TNXB: variants seen among roughly 807,000 people sequenced by gnomAD.
TNXB encodes tenascin XB.
TNXB carries 183 observed loss-of-function variants against 340.5 expected under a neutral mutation model. That is an observed-to-expected ratio of 0.54 (90% CI 0.48 to 0.61). The LOEUF (loss-of-function observed/expected upper bound fraction) is 0.61. Ranked by LOEUF, TNXB falls within the 20% of genes least tolerant of loss-of-function variation. TNXB has a pLI of 0.00. For missense variants in TNXB, 4,613 were observed against 5,446.4 expected (o/e 0.85, Z 4.82); for synonymous variants, 2,121 against 2,314.5 (o/e 0.92, Z 2.40).
chr6:32,070,305 C>A lies in TNXB; in HGVS notation c.5100G>T (p.Gln1700His). 6.2e-7 allele frequency: 1 copy of A among 1,613,020 alleles called. No homozygotes were observed. Among genetic ancestry groups the A allele is most frequent in the Non-Finnish European group, 8.5e-7 (1 of 1,179,538 alleles). Residue 1700 changes from glutamine to histidine, a missense_variant, in exon 14 of 44, where the codon CAG (glutamine) becomes CAT (histidine). Around this residue, in one of 7 missense-constraint regions of TNXB, gnomAD observed 4,327 missense variants for 4,859.4 expected, o/e 0.89. Coordinates refer to ENST00000644971, the MANE Select transcript of TNXB (RefSeq NM_001365276.2). This position sits in a 1 kb window ranked among gnomAD's most constrained non-coding sequence, Gnocchi z 6.0. ...TGAACTGGACCACAAAAGAGTCGAA[C>A]TGGCCCTCAGGAACCGTCCAGGAGA... ...LRLSWTVPEG[Q>H]FDSFVVQFKD...
rs770570743 is a variant in TNXB at position 32,084,692 on chromosome 6, G to C, written c.3166C>G (p.Pro1056Ala). 1.3e-6 allele frequency: 2 copies of C among 1,575,838 alleles called. No individual in the cohort carries two copies. The highest frequency in any genetic ancestry group is 1.7e-6 in the Non-Finnish European group (2 of 1,156,886). Residue 1056 changes from proline to alanine, a missense_variant, in exon 8 of 44, where the codon CCT becomes GCT. By Grantham distance (27) the Pro-to-Ala change is conservative (BLOSUM62 -1). Around this residue, in one of 7 missense-constraint regions of TNXB, gnomAD observed 4,327 missense variants for 4,859.4 expected, o/e 0.89. Transcript: ENST00000644971. The surrounding 1 kb of genome is among the most constrained non-coding windows in gnomAD (Gnocchi z 5.5). Reference protein sequence around the residue: ...QGIMDKDEEKPGKSSGPPRLG... With the variant: ...QGIMDKDEEKAGKSSGPPRLG... ...CGTGGTGGGCCTGAGGACTTCCCAG[G>C]CTTCTCCTCATCCTTGTCTGGAGTT...
intron 21 of TNXB, among the ~76,000 whole-genome samples, chr6:32,059,990 C>G (rs1314603585): frequency 3.3e-5 from 5 of 151,962 alleles, no homozygotes; most frequent in Non-Finnish European, 7.3e-5. Flanking sequence ...TGATCTCCAC[C>G]CCTCCAATTT....
chr6:32,061,710 T>G lies in TNXB; in HGVS notation c.7179A>C (p.Glu2393Asp). Residue 2393 changes from glutamate (E) to aspartate (D), a missense_variant, in exon 21 of 44, where the codon GAA (glutamate) becomes GAC (aspartate). Glu to Asp is a conservative substitution (Grantham distance 45). Coordinates refer to ENST00000644971, the MANE Select transcript of TNXB (RefSeq NM_001365276.2). This position sits in a 1 kb window ranked among gnomAD's most constrained non-coding sequence, Gnocchi z 4.4. ...VSAIGVTAAE[E>D]ETPSPTEPSM... is the part of the protein sequence containing the mutation. Reference sequence around the variant, plus strand: ...TGGGTTCTGTGGGGCTGGGGGTCTCTTCCTCTGCAGCTGAGAAAAAGGGAC... The same window carrying G: ...TGGGTTCTGTGGGGCTGGGGGTCTCGTCCTCTGCAGCTGAGAAAAAGGGAC... 6.2e-7 allele frequency: 1 copy of G among 1,610,648 alleles called. No individual in the cohort carries two copies. Among genetic ancestry groups the G allele is most frequent in the Non-Finnish European group, 8.5e-7 (1 of 1,178,244 alleles).
Position 32,074,018 on chromosome 6 carries a change from G to T in TNXB, c.4376-66C>A. ...CCTTTTCTTATAGTAATGATGTCTA[G>T]TTATTTATTTTTTATTTTTTATTTT... On this transcript the variant is annotated intron_variant, in intron 11 of 43. Coordinates refer to ENST00000644971, the MANE Select transcript of TNXB (RefSeq NM_001365276.2). This position sits in a 1 kb window ranked among gnomAD's most constrained non-coding sequence, Gnocchi z 5.5. 7.4e-7 allele frequency: 1 copy of T among 1,342,334 alleles called. No homozygotes were observed. Among genetic ancestry groups the T allele is most frequent in the Non-Finnish European group, 9.9e-7 (1 of 1,006,192 alleles). 83.2% of individuals were successfully genotyped at this position (1,342,334 alleles called of 1,614,324 possible).
chr6:32,053,101 G>T, intron 25 of TNXB, 108 bp from the exon 26 acceptor site: 3 of 1,246,392 alleles, frequency 2.4e-6, no homozygotes, highest in Non-Finnish European at 2.2e-6. Flanking sequence ...CCTGGGGTCA[G>T]CTTGGAGAGG....
In TNXB at chr6:32,056,095, C is replaced by A; in HGVS notation, c.8223G>T (p.Glu2741Asp). ...PEPPEEPLLGELTVTGSSPDS... is the reference protein window; with the variant it reads ...PEPPEEPLLGDLTVTGSSPDS... Reference sequence around the variant, plus strand: ...CAGGGGAGGATCCTGTCACTGTCAGCTCCCCCAGGAGCGGCTCCTCAGGGG... The same window carrying A: ...CAGGGGAGGATCCTGTCACTGTCAGATCCCCCAGGAGCGGCTCCTCAGGGG... Residue 2741 changes from glutamate (E) to aspartate (D), a missense_variant, in exon 24 of 44, where the codon GAG (glutamate) becomes GAT (aspartate). By Grantham distance (45) the Glu-to-Asp change is conservative. Coordinates refer to ENST00000644971, the MANE Select transcript of TNXB (RefSeq NM_001365276.2). The A allele has an allele frequency of 6.2e-7, 1 of 1,612,724 alleles. No individual in the cohort carries two copies. Among genetic ancestry groups the A allele is most frequent in the Non-Finnish European group, 8.5e-7 (1 of 1,179,830 alleles).
Position 32,089,054 on chromosome 6 carries a change from C to G in TNXB, c.2516-6G>C. ...GTCCTGGGGCCCATCGATCACTAGC[C>G]AGGTTAAAGAGGAGGACTCAGGTGG... On this transcript the variant is annotated splice_region_variant and splice_polypyrimidine_tract_variant and intron_variant, in intron 5 of 43. Transcript: ENST00000644971. This position sits in a 1 kb window ranked among gnomAD's most constrained non-coding sequence, Gnocchi z 6.2. 2 of 1,607,310 alleles carry G rather than the reference C, an allele frequency of 1.2e-6. No homozygotes were observed. The highest frequency in any genetic ancestry group is 2.2e-5 in the East Asian group (1 of 44,796).
chr6:32,084,263 C>T lies in TNXB; in HGVS notation c.3445+150G>A, dbSNP rs1488259752. 2.7e-6 allele frequency: 2 copies of T among 750,862 alleles called. No individual in the cohort carries two copies. Among genetic ancestry groups the T allele is most frequent in the Non-Finnish European group, 4.0e-6 (2 of 496,198 alleles). 46.5% of individuals were successfully genotyped at this position (750,862 alleles called of 1,614,324 possible). A position where few individuals can be genotyped will look rare whatever the true frequency, so the allele number is the denominator to read the frequency against. On this transcript the variant is annotated intron_variant, in intron 8 of 43. Coordinates refer to ENST00000644971, the MANE Select transcript of TNXB (RefSeq NM_001365276.2). The surrounding 1 kb of genome is among the most constrained non-coding windows in gnomAD (Gnocchi z 5.5). ...TGCACTGAGCTTCTCAAACTCTTTG[C>T]CTGCCCCACCACTACTTTCCCTTCA...
At chr6:32,071,370 G>T (rs549701317) in intron 13 of TNXB, among the ~76,000 whole-genome samples, 1 of 152,104 alleles carries the variant, frequency 6.6e-6, no homozygotes, top group East Asian at 1.9e-4. Context: ...TGATGGATTC[G>T]CAAGGCAGGA....
In TNXB at chr6:32,047,866, C is replaced by T. The variant is rs769706169; in HGVS notation, c.10192G>A (p.Val3398Met). The part of the protein sequence containing the change: ...QYKDKDGRLQ[V>M]VPVAANQREV... Reference sequence around the variant, plus strand: ...CGCTGGTTGGCTGCCACCGGCACCACCTGGAGCCGACCATCCTTATCCTTG... The same window carrying T: ...CGCTGGTTGGCTGCCACCGGCACCATCTGGAGCCGACCATCCTTATCCTTG... The change falls in exon 30 of 44, where the codon GTG becomes ATG. Residue 3398 changes from valine to methionine, a missense_variant. Around this residue, in one of 7 missense-constraint regions of TNXB, gnomAD observed 4,327 missense variants for 4,859.4 expected, o/e 0.89. Transcript: ENST00000644971. The surrounding 1 kb of genome is among the most constrained non-coding windows in gnomAD (Gnocchi z 6.2). 3 of 1,612,376 alleles carry T rather than the reference C, an allele frequency of 1.9e-6. No homozygotes were observed. The highest frequency in any genetic ancestry group is 2.2e-5 in the South Asian group (2 of 91,010).
rs1415428808 is a variant in TNXB at position 32,087,688 on chromosome 6, TG to T, written c.2779+1096del. 1 of 454,934 alleles carries T rather than the reference TG, an allele frequency of 2.2e-6. No individual in the cohort carries two copies. The highest frequency in any genetic ancestry group is 2.0e-5 in the African/African-American group (1 of 49,448). 28.2% of individuals were successfully genotyped at this position (454,934 alleles called of 1,614,324 possible). ...CAACAGACGCCGCTGCAAGTATTCA[TG>T]GATGTGGCGCGCCACCGACGTGTAA... On this transcript the variant is annotated intron_variant, in intron 6 of 43. Coordinates refer to ENST00000644971, the MANE Select transcript of TNXB (RefSeq NM_001365276.2). This position sits in a 1 kb window ranked among gnomAD's most constrained non-coding sequence, Gnocchi z 9.0.
At chr6:32,106,133 G>A (rs1277680627) in intron 1 of TNXB, among the ~76,000 whole-genome samples, 1 of 148,858 alleles carries the variant, frequency 6.7e-6, no homozygotes, top group African/African-American at 2.5e-5. Flanking sequence ...TAGGGGCATG[G>A]GGGGGGGGGC....
At chr6:32,098,770 G>A (rs1342260068) in intron 1 of TNXB, among the ~76,000 whole-genome samples, 3 of 135,594 alleles carry the variant, frequency 2.2e-5, no homozygotes, top group Non-Finnish European at 4.9e-5. Flanking sequence ...ATGAGCCACC[G>A]CACCCGGCTC....
Position 32,097,902 on chromosome 6 carries a change from C to T in TNXB, c.297G>A (p.Glu99=). ...CTAGACGGACCCTCAGGGCCTGTAC[C>T]TCTGAAGCAAGGACTGGGGGCTCGG... is the stretch of plus-strand genomic sequence containing the variant. The part of the protein sequence containing the change: ...PGTEPPVLAS[E]VQALRVRLEI... Residue 99 remains glutamate (E), a synonymous_variant, in exon 2 of 44, where the codon GAG becomes GAA. Transcript: ENST00000644971. This position sits in a 1 kb window ranked among gnomAD's most constrained non-coding sequence, Gnocchi z 5.9. 6.3e-7 allele frequency: 1 copy of T among 1,586,090 alleles called. No homozygotes were observed. Among genetic ancestry groups the T allele is most frequent in the Non-Finnish European group, 8.6e-7 (1 of 1,161,176 alleles).
chr6:32,107,535 C>T (rs1365794789), intron 1 of TNXB, among the ~76,000 whole-genome samples: 1 of 152,128 alleles, frequency 6.6e-6, no homozygotes, highest in African/African-American at 2.4e-5. Flanking sequence ...TTCCCCCTGC[C>T]ACTATGTCTG....
In TNXB at chr6:32,087,928, C is replaced by G. The variant is rs1213173079; in HGVS notation, c.2779+857G>C. On this transcript the variant is annotated intron_variant, in intron 6 of 43. Coordinates refer to ENST00000644971, the MANE Select transcript of TNXB (RefSeq NM_001365276.2). The surrounding 1 kb of genome is among the most constrained non-coding windows in gnomAD (Gnocchi z 9.0). Reference sequence around the variant, plus strand: ...TGGGGGCCGCGGGGCTGGGGCTGGCCGGGGCCGGGACTTGGGGGGCGGGGC... The same window carrying G: ...TGGGGGCCGCGGGGCTGGGGCTGGCGGGGGCCGGGACTTGGGGGGCGGGGC... 19 of 60,032 alleles carry G rather than the reference C, an allele frequency of 3.2e-4. No homozygotes were observed. The highest frequency in any genetic ancestry group is 1.6e-3 in the South Asian group (6 of 3,684). 3.7% of individuals were successfully genotyped at this position (60,032 alleles called of 1,614,324 possible).
At position 32,074,186 on chromosome 6, in the gene TNXB, T is replaced by TTG. The variant is rs1285495148; in HGVS notation, c.4376-236_4376-235dup. Among the ~76,000 whole-genome samples, 2 of 151,756 alleles carry TTG rather than the reference T, an allele frequency of 1.3e-5. No individual in the cohort carries two copies. Among genetic ancestry groups the TTG allele is most frequent in the African/African-American group, 2.4e-5 (1 of 41,332 alleles). On this transcript the variant is annotated intron_variant, in intron 11 of 43. Coordinates refer to ENST00000644971, the MANE Select transcript of TNXB (RefSeq NM_001365276.2). The surrounding 1 kb of genome is among the most constrained non-coding windows in gnomAD (Gnocchi z 5.5). ...CGTGCGCCACCATGCCTGCCTAATT[T>TTG]TGTGTGTGTGTGTATTTTTAGTGGA...
intron 4 of TNXB, among the ~76,000 whole-genome samples, chr6:32,092,651 T>C (rs913922064): frequency 5.4e-5 from 8 of 148,816 alleles, no homozygotes; most frequent in Non-Finnish European, 8.9e-5. Flanking sequence ...GATTGCGCCA[T>C]TGCACTCCAG....
Position 32,047,246 on chromosome 6 carries a change from C to T in TNXB, c.10324+488G>A, listed in dbSNP as rs1776951423. 6.6e-6 allele frequency among the ~76,000 whole-genome samples: 1 copy of T among 152,206 alleles called. No homozygotes were observed. The highest frequency in any genetic ancestry group is 1.5e-5 in the Non-Finnish European group (1 of 68,032). On this transcript the variant is annotated intron_variant, in intron 30 of 43. Transcript: ENST00000644971. The surrounding 1 kb of genome is among the most constrained non-coding windows in gnomAD (Gnocchi z 6.2). ...TGGGAGTGGGGTGAGGGTCGGTGACCCACCACACCCCTTCCTCAGGGAGCT... is the reference window on the plus strand; with the variant it reads ...TGGGAGTGGGGTGAGGGTCGGTGACTCACCACACCCCTTCCTCAGGGAGCT...
Sources: allele counts gnomAD v4.1 joint callset (sites outside exome capture counted in the v4.1 genomes callset), GRCh38; gene constraint gnomAD v4.1.1; regional missense constraint gnomAD v4.1.1; non-coding constraint Gnocchi (gnomAD v3.1); transcripts MANE v1.5; gene names NCBI Gene and HGNC (gene_info 2026-07-23, HGNC 2026-07-21).